The following FMN1 variants were observed in gnomAD, a reference collection of about 807,000 sequenced individuals.
FMN1 encodes formin 1.
Under a neutral mutation model 132.4 loss-of-function variants are expected in FMN1, and 110 were observed. That is an observed-to-expected ratio of 0.83 (90% CI 0.71 to 0.97). The LOEUF is 0.97. Among genes scored for constraint, FMN1 ranks in the 50% least tolerant of loss-of-function variants. The pLI, the probability that FMN1 is intolerant of heterozygous loss-of-function variation, is 0.00. For missense variants in FMN1, 1,792 were observed against 1,705.3 expected (o/e 1.05, Z -0.90); for synonymous variants, 722 against 651.7 (o/e 1.11, Z -1.64).
At chr15:33,155,217 C>G (rs1964624825) in intron 3 of FMN1, among the ~76,000 whole-genome samples, 172 bp from the exon 4 acceptor site, 1 of 152,176 alleles carries the variant, frequency 6.6e-6, no homozygotes, top group Non-Finnish European at 1.5e-5. Context: ...CCACCCTACT[C>G]CTGATCAGTA....
At chr15:33,019,540 T>C (rs951279893) in intron 6 of FMN1, among the ~76,000 whole-genome samples, 2 of 152,130 alleles carry the variant, frequency 1.3e-5, no homozygotes, top group Non-Finnish European at 2.9e-5. Context: ...GGGGCGGCGC[T>C]TGTCGGGGAG....
chr15:33,007,703 A>T (rs936736527), intron 7 of FMN1, among the ~76,000 whole-genome samples: 2 of 152,328 alleles, frequency 1.3e-5, no homozygotes, highest in African/African-American at 4.8e-5. Flanking sequence ...ACCTAGAAAA[A>T]AAAACTTCTA....
intron 17 of FMN1, among the ~76,000 whole-genome samples, chr15:32,825,736 T>C (rs1387741257): frequency 6.6e-6 from 1 of 152,256 alleles, no homozygotes; most frequent in Non-Finnish European, 1.5e-5. Flanking sequence ...TTTTCTCTAT[T>C]ACCCTTTTCA....
chr15:32,873,299 G>T (rs1163242441), intron 16 of FMN1, among the ~76,000 whole-genome samples: 2 of 152,220 alleles, frequency 1.3e-5, no homozygotes, highest in Non-Finnish European at 2.9e-5. Context: ...CTTAGGATGT[G>T]TTTGAAAATA....
intron 4 of FMN1, among the ~76,000 whole-genome samples, chr15:33,110,851 ATTAAAACAATTTTT>A (rs1397395631): frequency 6.6e-6 from 1 of 152,144 alleles, no homozygotes; most frequent in African/African-American, 2.4e-5. Context: ...ATTTTCCCAC[ATTAAAACAATTTTT>A]AATGTCTTGG....
intron 9 of FMN1, among the ~76,000 whole-genome samples, chr15:32,951,946 T>G (rs1273344962): frequency 2.0e-5 from 3 of 152,192 alleles, no homozygotes; most frequent in African/African-American, 7.2e-5. Flanking sequence ...AAACTGGAGC[T>G]CAGCCCTCTG....
At chr15:33,046,114 A>ATTAGTT (rs1054710317) in intron 6 of FMN1, among the ~76,000 whole-genome samples, 3 of 152,112 alleles carry the variant, frequency 2.0e-5, no homozygotes, top group African/African-American at 7.2e-5. Context: ...ATAAATATAT[A>ATTAGTT]TTAGTTCTAT....
At chr15:32,863,840 T>C (rs956827879) in intron 16 of FMN1, among the ~76,000 whole-genome samples, 4 of 152,198 alleles carry the variant, frequency 2.6e-5, no homozygotes, top group Non-Finnish European at 5.9e-5. Context: ...TAAAAACAAA[T>C]TCAGAACTCA....
chr15:33,072,473 C>G (rs1595407388), intron 5 of FMN1, among the ~76,000 whole-genome samples: 1 of 147,156 alleles, frequency 6.8e-6, no homozygotes, highest in African/African-American at 2.5e-5. Flanking sequence ...TCTGTTATAA[C>G]TCTGTTAAAA....
chr15:32,857,057 G>T lies in FMN1; in HGVS notation c.3886C>A (p.Leu1296Ile), dbSNP rs780093301. 6.2e-7 allele frequency: 1 copy of T among 1,613,920 alleles called. No homozygotes were observed. Among genetic ancestry groups the T allele is most frequent in the Admixed American group, 1.7e-5 (1 of 60,026 alleles). The change falls in exon 17 of 21, where the codon CTC (leucine) becomes ATC (isoleucine). Residue 1296 changes from leucine (L) to isoleucine (I), a missense_variant. Leu to Ile is a conservative substitution (Grantham distance 5). Around this residue, in one of 3 missense-constraint regions of FMN1, gnomAD observed 1,150 missense variants for 1,043.1 expected, o/e 1.10. Coordinates refer to ENST00000616417, the MANE Select transcript of FMN1 (RefSeq NM_001277313.2). The stretch of plus-strand genomic sequence containing the variant: ...TCTAGTTTGTCCTTGAAAGGCTGGA[G>T]ATACTCCTTTGGGGACTCCTTGCAC... The part of the protein sequence containing the change: ...VVCKESPKEY[L>I]QPFKDKLEEF...
intron 16 of FMN1, among the ~76,000 whole-genome samples, chr15:32,862,035 G>A (rs1487285625): frequency 6.6e-6 from 1 of 152,096 alleles, no homozygotes; most frequent in East Asian, 1.9e-4. Context: ...GCTGCCCTCC[G>A]ACGGTCCCCA....
intron 5 of FMN1, chr15:33,068,150 C>T: frequency 6.6e-6 from 4 of 601,524 alleles, no homozygotes; most frequent in Non-Finnish European, 1.0e-5. Flanking sequence ...CCTTACTACA[C>T]ACGGACCAGG....
intron 9 of FMN1, among the ~76,000 whole-genome samples, chr15:32,959,666 G>C (rs982769430): frequency 1.3e-5 from 2 of 152,158 alleles, no homozygotes; most frequent in African/African-American, 4.8e-5. Context: ...CCCTCAGACA[G>C]AGAAACAAAA....
intron 10 of FMN1, among the ~76,000 whole-genome samples, chr15:32,912,041 C>A (rs9806422): frequency 0.27 from 41,687 of 152,050 alleles, 6,021 homozygotes; most frequent in Non-Finnish European, 0.32. Flanking sequence ...CAAAAATCAA[C>A]CAACATGAGC....
chr15:32,980,622 T>C (rs2032577738), intron 7 of FMN1, among the ~76,000 whole-genome samples: 1 of 152,240 alleles, frequency 6.6e-6, no homozygotes, highest in South Asian at 2.1e-4. Context: ...TTGTTTTGTT[T>C]TATTTCAGTC....
intron 4 of FMN1, among the ~76,000 whole-genome samples, chr15:33,106,408 A>T (rs1595483145): frequency 6.6e-6 from 1 of 151,864 alleles, no homozygotes; most frequent in Non-Finnish European, 1.5e-5. Context: ...TGTGTACATG[A>T]TTCTACAAAA....
chr15:32,922,055 AG>A (rs1213118434), intron 10 of FMN1, among the ~76,000 whole-genome samples: 2 of 152,202 alleles, frequency 1.3e-5, no homozygotes, highest in Non-Finnish European at 2.9e-5. Flanking sequence ...TAACTTTTAC[AG>A]GAAGAGTCAA....
intron 3 of FMN1, among the ~76,000 whole-genome samples, chr15:33,169,823 A>AGCATATTATTTAT (rs1348804921): frequency 2.7e-5 from 4 of 148,382 alleles, no homozygotes; most frequent in Non-Finnish European, 5.9e-5. Context: ...TGTGAACCAG[A>AGCATATTATTTAT]TGAGGCCACT....
chr15:33,087,720 G>A (rs1292753958), intron 5 of FMN1, among the ~76,000 whole-genome samples: 1 of 152,070 alleles, frequency 6.6e-6, no homozygotes, highest in Non-Finnish European at 1.5e-5. Flanking sequence ...AGCACAATTT[G>A]CAATTGCAAA....
Sources: allele counts gnomAD v4.1 joint callset (sites outside exome capture counted in the v4.1 genomes callset), GRCh38; gene constraint gnomAD v4.1.1; regional missense constraint gnomAD v4.1.1; transcripts MANE v1.5; gene names NCBI Gene and HGNC (gene_info 2026-07-23, HGNC 2026-07-21).